CNTN5: variants seen among roughly 807,000 people sequenced by gnomAD.
The protein encoded by CNTN5 is contactin 5, also known as contactin-5.
Under a neutral mutation model 129.1 loss-of-function variants are expected in CNTN5, and 77 were observed. That is an observed-to-expected ratio of 0.60 (90% CI 0.50 to 0.72). The LOEUF is 0.72. Ranked by LOEUF, CNTN5 falls within the 30% of genes least tolerant of loss-of-function variation. The pLI, the probability that CNTN5 is intolerant of heterozygous loss-of-function variation, is 0.00. For missense variants in CNTN5, 1,478 were observed against 1,328.8 expected (o/e 1.11, Z -1.75); for synonymous variants, 509 against 465.6 (o/e 1.09, Z -1.20).
chr11:99,937,839 C>T (rs976221555), intron 7 of CNTN5, among the ~76,000 whole-genome samples: 2 of 152,172 alleles, frequency 1.3e-5, no homozygotes, highest in Admixed American at 6.5e-5. Flanking sequence ...TGAGGTTTAA[C>T]TGATAGAATG....
chr11:99,713,908 G>C (rs34926642), intron 3 of CNTN5, among the ~76,000 whole-genome samples: 8,185 of 151,992 alleles, frequency 0.054, 384 homozygotes, highest in South Asian at 0.2. Context: ...TAGTTTTTCT[G>C]TGTTTGATAA....
intron 2 of CNTN5, among the ~76,000 whole-genome samples, chr11:99,403,223 A>G (rs924547315): frequency 1.3e-5 from 2 of 151,952 alleles, no homozygotes; most frequent in Non-Finnish European, 2.9e-5. Context: ...GATGGTCTCA[A>G]TCTCCTGACC....
intron 4 of CNTN5, among the ~76,000 whole-genome samples, chr11:99,828,013 A>G (rs11221538): frequency 0.15 from 23,413 of 151,934 alleles, 1,943 homozygotes; most frequent in Non-Finnish European, 0.18. Flanking sequence ...AACTCATCAC[A>G]AGAGAGTTAT....
At chr11:99,103,538 C>A (rs562956804) in intron 1 of CNTN5, among the ~76,000 whole-genome samples, 40 of 152,130 alleles carry the variant, frequency 2.6e-4, no homozygotes, top group African/African-American at 9.6e-4. Context: ...AGATTTATAG[C>A]ATGGATTCAT....
chr11:100,125,505 T>C (rs1239852135), intron 13 of CNTN5, among the ~76,000 whole-genome samples: 1 of 152,144 alleles, frequency 6.6e-6, no homozygotes, highest in Non-Finnish European at 1.5e-5. Flanking sequence ...TCATTCTTTT[T>C]TATGGCTGTG....
At chr11:99,864,549 C>T (rs1236744203) in intron 6 of CNTN5, among the ~76,000 whole-genome samples, 1 of 152,110 alleles carries the variant, frequency 6.6e-6, no homozygotes, top group Non-Finnish European at 1.5e-5. Flanking sequence ...CCATTAGGGT[C>T]TTGTTTTCTC....
intron 16 of CNTN5, among the ~76,000 whole-genome samples, chr11:100,232,011 G>T (rs1393272035): frequency 6.6e-6 from 1 of 151,994 alleles, no homozygotes; most frequent in East Asian, 1.9e-4. Flanking sequence ...AAAATTATCT[G>T]GGCATGGTGG....
At chr11:100,182,699 T>C (rs1242328604) in intron 13 of CNTN5, among the ~76,000 whole-genome samples, 1 of 152,018 alleles carries the variant, frequency 6.6e-6, no homozygotes, top group African/African-American at 2.4e-5. Context: ...ATAACATTTC[T>C]AGGAAAAGAA....
At chr11:99,551,028 C>T (rs1948463298) in intron 2 of CNTN5, among the ~76,000 whole-genome samples, 1 of 152,066 alleles carries the variant, frequency 6.6e-6, no homozygotes. Context: ...GAAATAACTG[C>T]ATAAAAATAA....
chr11:100,070,707 G>A (rs941126963), intron 11 of CNTN5, 147 bp downstream of exon 11: 26 of 603,842 alleles, frequency 4.3e-5, no homozygotes, highest in East Asian at 3.1e-4. Context: ...TGAATGTTAC[G>A]GGGATTAACT....
chr11:99,175,842 G>A (rs1398662730), intron 1 of CNTN5, among the ~76,000 whole-genome samples: 4 of 151,932 alleles, frequency 2.6e-5, no homozygotes, highest in Non-Finnish European at 4.4e-5. Context: ...CTAGATGGTT[G>A]GAAATTATGA....
intron 8 of CNTN5, among the ~76,000 whole-genome samples, chr11:99,963,701 A>G (rs12288665): frequency 1.3e-5 from 2 of 152,152 alleles, no homozygotes; most frequent in Admixed American, 1.3e-4. Context: ...GAAGAAAGTA[A>G]TTAGTAGCTT....
chr11:100,002,272 C>A, intron 9 of CNTN5, 136 bp downstream of exon 9: 1 of 548,962 alleles, frequency 1.8e-6, no homozygotes, highest in Non-Finnish European at 3.1e-6. Context: ...AAAAGAAGGT[C>A]AAATGGCAAT....
chr11:100,333,319 A>G (rs1001044069), intron 21 of CNTN5, among the ~76,000 whole-genome samples: 17 of 150,576 alleles, frequency 1.1e-4, no homozygotes, highest in African/African-American at 3.7e-4. Flanking sequence ...GGTAGAATCA[A>G]TATTGTCAAA....
At chr11:100,061,428 C>A in intron 10 of CNTN5, 35 bp downstream of exon 10, 2 of 1,433,248 alleles carry the variant, frequency 1.4e-6, no homozygotes, top group Non-Finnish European at 1.9e-6. Flanking sequence ...TTGCTCTAGT[C>A]CCAAAAGTCA....
chr11:100,307,540 G>A (rs953046064), intron 20 of CNTN5, among the ~76,000 whole-genome samples: 1 of 151,474 alleles, frequency 6.6e-6, no homozygotes, highest in Non-Finnish European at 1.5e-5. Context: ...AGTGTGAAAG[G>A]TCACTGAATG....
intron 2 of CNTN5, among the ~76,000 whole-genome samples, chr11:99,554,439 A>G (rs11220435): frequency 2.1e-4 from 32 of 152,168 alleles, no homozygotes; most frequent in East Asian, 9.6e-4. Context: ...CTCTCAACCC[A>G]TGTATGTGTG....
chr11:99,791,764 T>A (rs1945751485), intron 3 of CNTN5, among the ~76,000 whole-genome samples: 2 of 152,128 alleles, frequency 1.3e-5, no homozygotes, highest in African/African-American at 4.8e-5. Flanking sequence ...TTTTTCTATT[T>A]GTCTTTTCTG....
chr11:99,948,716 G>A (rs1356236488), intron 7 of CNTN5, among the ~76,000 whole-genome samples: 3 of 152,100 alleles, frequency 2.0e-5, no homozygotes, highest in Admixed American at 1.3e-4. Flanking sequence ...AGAATTAAAT[G>A]AATTAATATA....
Sources: allele counts gnomAD v4.1 joint callset (sites outside exome capture counted in the v4.1 genomes callset), GRCh38; gene constraint gnomAD v4.1.1; transcripts MANE v1.5; gene names NCBI Gene and HGNC (gene_info 2026-07-23, HGNC 2026-07-21).